Variants in CELA1 observed in about 807,000 individuals in gnomAD.
CELA1 encodes chymotrypsin-like elastase family member 1.
CELA1 carries 28 observed loss-of-function variants against 34.8 expected under a neutral mutation model. The observed-to-expected ratio is 0.80, with a 90% confidence interval of 0.60 to 1.10. The LOEUF is 1.10. Among genes scored for constraint, CELA1 ranks in the 50% least tolerant of loss-of-function variants. The pLI is 0.00. For synonymous variants in CELA1, 140 were observed against 129.8 expected (o/e 1.08, Z -0.53); for missense variants, 288 against 327.5 (o/e 0.88, Z 0.93).
At chr12:51,344,476 A>G (rs957428699) in intron 2 of CELA1, among the ~76,000 whole-genome samples, 4 of 150,934 alleles carry the variant, frequency 2.7e-5, no homozygotes, top group African/African-American at 9.8e-5. Flanking sequence ...GTGGATCACC[A>G]GGTCAGGAGA....
rs552575088 is a variant in CELA1, at chr12:51,331,875, T to C, written c.610-2042A>G. 2.4e-4 allele frequency among the ~76,000 whole-genome samples: 36 copies of C among 152,038 alleles called. No homozygotes were observed. The South Asian group carries it at 6.7e-3, about 28-fold the overall frequency. Reference sequence around the variant, plus strand: ...CAATTTTTAACAGACATTGAAAAAATTGAAAAAGTTGTGCAGCAAGGGCTG... The same window carrying C: ...CAATTTTTAACAGACATTGAAAAAACTGAAAAAGTTGTGCAGCAAGGGCTG... On this transcript the variant is annotated intron_variant, in intron 6 of 7. Coordinates refer to ENST00000293636, the MANE Select transcript of CELA1 (RefSeq NM_001971.6).
intron 5 of CELA1, 72 bp from the exon 6 acceptor site, chr12:51,340,077 C>T (rs530621059): frequency 1.4e-6 from 2 of 1,403,202 alleles, no homozygotes; most frequent in East Asian, 2.5e-5. Context: ...ACCCCTGCCA[C>T]ACCTTCCCAA....
intron 6 of CELA1, among the ~76,000 whole-genome samples, chr12:51,338,445 T>C (rs1946513955): frequency 6.6e-6 from 1 of 152,140 alleles, no homozygotes; most frequent in Non-Finnish European, 1.5e-5. Flanking sequence ...CCCATAATTC[T>C]GTATGTACTC....
At chr12:51,339,565 A>G (rs999812020) in intron 6 of CELA1, among the ~76,000 whole-genome samples, 1 of 152,152 alleles carries the variant, frequency 6.6e-6, no homozygotes, top group African/African-American at 2.4e-5. Context: ...AAAAAAATCT[A>G]GGTAACAAAT....
chr12:51,345,085 A>G (rs1229389802), intron 2 of CELA1, among the ~76,000 whole-genome samples: 3 of 151,898 alleles, frequency 2.0e-5, no homozygotes, highest in Non-Finnish European at 4.4e-5. Flanking sequence ...AGATCATGCC[A>G]TTGCACTCTA....
intron 6 of CELA1, among the ~76,000 whole-genome samples, chr12:51,331,830 T>C (rs977966318): frequency 3.9e-5 from 6 of 152,272 alleles, no homozygotes; most frequent in African/African-American, 1.4e-4. Flanking sequence ...AAACTGACTA[T>C]ATTAAGCAAA....
chr12:51,329,842 A>G lies in CELA1; in HGVS notation c.610-9T>C. 6.3e-7 allele frequency: 1 copy of G among 1,592,622 alleles called. No homozygotes were observed. Among genetic ancestry groups the G allele is most frequent in the Non-Finnish European group, 8.5e-7 (1 of 1,171,348 alleles). ...GGGCCCCCAGAGTCACCCTGCAGGG[A>G]GGAGAAACAGAATCCTAAAACTCCA... On this transcript the variant is annotated splice_polypyrimidine_tract_variant and intron_variant, in intron 6 of 7. Transcript: ENST00000293636.
chr12:51,329,361 C>T (rs1400696070), intron 7 of CELA1, among the ~76,000 whole-genome samples: 2 of 152,156 alleles, frequency 1.3e-5, no homozygotes, highest in East Asian at 3.9e-4. Flanking sequence ...GTACGCAGGC[C>T]TTTCTGAACC....
chr12:51,346,194 A>AC (rs1186931785), intron 1 of CELA1, among the ~76,000 whole-genome samples: 2,089 of 125,854 alleles, frequency 0.017, 18 homozygotes, highest in Middle Eastern at 0.027. Flanking sequence ...GCCTGAAGAG[A>AC]CCCCCCCCCA....
intron 6 of CELA1, among the ~76,000 whole-genome samples, chr12:51,336,737 A>C (rs1369263970): frequency 6.6e-6 from 1 of 152,060 alleles, no homozygotes; most frequent in Non-Finnish European, 1.5e-5. Flanking sequence ...TCTCTCTCAA[A>C]CTCTGTAAAT....
At chr12:51,332,619 C>A (rs762056762) in intron 6 of CELA1, among the ~76,000 whole-genome samples, 6 of 152,072 alleles carry the variant, frequency 3.9e-5, no homozygotes, top group Non-Finnish European at 8.8e-5. Flanking sequence ...AATCCCAGCA[C>A]TTTGGGAAGC....
intron 6 of CELA1, among the ~76,000 whole-genome samples, chr12:51,336,153 T>C (rs1455003326): frequency 6.6e-6 from 1 of 152,244 alleles, no homozygotes; most frequent in Non-Finnish European, 1.5e-5. Flanking sequence ...TTATCTTACA[T>C]CTACTTCTCC....
At chr12:51,344,785 G>C (rs572082828) in intron 2 of CELA1, among the ~76,000 whole-genome samples, 14 of 152,078 alleles carry the variant, frequency 9.2e-5, no homozygotes, top group Non-Finnish European at 1.6e-4. Flanking sequence ...TACCTTTAGT[G>C]TTTTCAAGAC....
intron 6 of CELA1, among the ~76,000 whole-genome samples, chr12:51,333,862 T>G (rs1946485971): frequency 6.6e-6 from 1 of 152,230 alleles, no homozygotes; most frequent in Non-Finnish European, 1.5e-5. Flanking sequence ...ATAAATGAAT[T>G]GTATATAATA....
Position 51,329,785 on chromosome 12 carries a change from C to G in CELA1, c.658G>C (p.Val220Leu), listed in dbSNP as rs138608701. The G allele has an allele frequency of 6.2e-7, 1 of 1,613,454 alleles. No homozygotes were observed. The highest frequency in any genetic ancestry group is 1.3e-5 in the African/African-American group (1 of 74,938). Residue 220 changes from valine (V) to leucine (L), a missense_variant, in exon 7 of 8, where the codon GTC (valine) becomes CTC (leucine). Coordinates refer to ENST00000293636, the MANE Select transcript of CELA1 (RefSeq NM_001971.6). ...LHCLVNGKYS[V>L]HGVTSFVSSR... is the part of the protein sequence containing the mutation. ...GACACAAAGCTGGTCACTCCATGGA[C>G]AGAATACTTGCCATTCACCAAGCAA...
rs1946458195 is a variant in CELA1 at position 51,329,781 on chromosome 12, T to C, written c.662A>G (p.His221Arg). The change falls in exon 7 of 8, where the codon CAT (histidine) becomes CGT (arginine). Residue 221 changes from histidine to arginine, a missense_variant. Transcript: ENST00000293636. ...HCLVNGKYSVHGVTSFVSSRG... is the reference protein window; with the variant it reads ...HCLVNGKYSVRGVTSFVSSRG... ...GCTGGACACAAAGCTGGTCACTCCA[T>C]GGACAGAATACTTGCCATTCACCAA... 1 of 1,613,634 alleles carries C rather than the reference T, an allele frequency of 6.2e-7. No homozygotes were observed. The highest frequency in any genetic ancestry group is 8.5e-7 in the Non-Finnish European group (1 of 1,179,876).
At chr12:51,334,460 G>A (rs1946489836) in intron 6 of CELA1, among the ~76,000 whole-genome samples, 1 of 151,714 alleles carries the variant, frequency 6.6e-6, no homozygotes, top group African/African-American at 2.4e-5. Flanking sequence ...TTGAGACAGA[G>A]TCTTGCTCTG....
At chr12:51,342,455 C>G in intron 4 of CELA1, 120 bp downstream of exon 4, 1 of 1,421,940 alleles carries the variant, frequency 7.0e-7, no homozygotes, top group Non-Finnish European at 9.6e-7. Flanking sequence ...CCAGGAGCCA[C>G]GGACCAGGTT....
At position 51,329,735 on chromosome 12, in the gene CELA1, C is replaced by T. The variant is rs777373297; in HGVS notation, c.708G>A (p.Arg236=). 6.2e-7 allele frequency: 1 copy of T among 1,614,048 alleles called. No homozygotes were observed. The highest frequency in any genetic ancestry group is 8.5e-7 in the Non-Finnish European group (1 of 1,179,998). ...AGACCTGGGTGAAGACTGTAGGCTTCCTGGAGACATTACAGCCCCGGCTGG... is the reference window on the plus strand; with the variant it reads ...AGACCTGGGTGAAGACTGTAGGCTTTCTGGAGACATTACAGCCCCGGCTGG... ...FVSSRGCNVS[R]KPTVFTQVSA... Residue 236 remains arginine (R), a synonymous_variant, in exon 7 of 8, where the codon AGG becomes AGA. Coordinates refer to ENST00000293636, the MANE Select transcript of CELA1 (RefSeq NM_001971.6).
Sources: gnomAD v4.1 joint callset for allele counts (sites outside exome capture counted in the v4.1 genomes callset) on GRCh38, gnomAD v4.1.1 for gene constraint, MANE v1.5 for transcripts, NCBI Gene and HGNC (gene_info 2026-07-23, HGNC 2026-07-21) for gene names.